The following SLC24A3 variants were observed in gnomAD, a reference collection of about 807,000 sequenced individuals.
SLC24A3 encodes sodium/potassium/calcium exchanger 3.
In SLC24A3, 28 loss-of-function variants were observed where a neutral mutation model predicts 75.8. That is an observed-to-expected ratio of 0.37 (90% CI 0.27 to 0.51). SLC24A3 has a LOEUF of 0.51. Ranked by LOEUF, SLC24A3 falls within the 20% of genes least tolerant of loss-of-function variation. SLC24A3 has a pLI of 0.94. For synonymous variants in SLC24A3, 372 were observed against 334.1 expected, an observed-to-expected ratio of 1.11 and a Z score of -1.24; for missense variants, 663 against 847.8, an observed-to-expected ratio of 0.78 and a Z score of 2.71.
chr20:19,278,753 C>A (rs940452171), intron 1 of SLC24A3, among the ~76,000 whole-genome samples: 5 of 152,152 alleles, frequency 3.3e-5, no homozygotes, highest in Non-Finnish European at 7.3e-5. Context: ...CATTAGACTC[C>A]ACATCCTTCC....
At chr20:19,493,120 G>A (rs1988231656) in intron 2 of SLC24A3, among the ~76,000 whole-genome samples, 1 of 152,216 alleles carries the variant, frequency 6.6e-6, no homozygotes, top group Non-Finnish European at 1.5e-5. Flanking sequence ...TTGCCATGGT[G>A]ACAGGAATCA....
rs113383939 is a variant in SLC24A3, at chr20:19,665,484, C to G, written c.688-380C>G. On this transcript the variant is annotated intron_variant, in intron 7 of 16. Transcript: ENST00000328041. ...TACAGAGACTAATATTTGGAAGAAC[C>G]TGCTGAGCTCCTACATCCCCTTGCA... 5.9e-3 allele frequency among the ~76,000 whole-genome samples: 902 copies of G among 152,318 alleles called. 1 individual carries two copies. The highest frequency in any genetic ancestry group is 0.027 in the Middle Eastern group (8 of 294).
intron 1 of SLC24A3, among the ~76,000 whole-genome samples, chr20:19,214,447 T>C (rs951253864): frequency 3.3e-5 from 5 of 152,206 alleles, no homozygotes; most frequent in African/African-American, 1.2e-4. Flanking sequence ...TTTATTTTTC[T>C]CCAGTGAAAA....
rs546760909 is a variant in SLC24A3 at position 19,486,125 on chromosome 20, A to G, written c.272-29363A>G. ...TTCACTCACCAGCATGCATGCCCCC[A>G]CCACATCCCTAGGCTTAGCAAGTCC... On this transcript the variant is annotated intron_variant, in intron 2 of 16. Transcript: ENST00000328041. Among the ~76,000 whole-genome samples the G allele has an allele frequency of 1.3e-3, 198 of 152,242 alleles. 1 individual carries two copies. Among genetic ancestry groups the G allele is most frequent in the Non-Finnish European group, 2.3e-3 (158 of 68,012 alleles).
intron 7 of SLC24A3, among the ~76,000 whole-genome samples, chr20:19,658,007 C>G (rs2032284279): frequency 6.6e-6 from 1 of 152,164 alleles, no homozygotes; most frequent in African/African-American, 2.4e-5. Context: ...ACCACTCTCC[C>G]TATTATACAG....
intron 2 of SLC24A3, among the ~76,000 whole-genome samples, chr20:19,380,922 G>A (rs970768091): frequency 6.6e-5 from 10 of 152,148 alleles, no homozygotes; most frequent in African/African-American, 2.2e-4. Context: ...ATGGAGCCTT[G>A]GGGAATGACT....
chr20:19,415,030 A>G (rs1250235975), intron 2 of SLC24A3, among the ~76,000 whole-genome samples: 2 of 152,188 alleles, frequency 1.3e-5, no homozygotes, highest in South Asian at 2.1e-4. Context: ...AACCACTTCA[A>G]ATTCTTTTTA....
chr20:19,436,355 C>T lies in SLC24A3; in HGVS notation c.272-79133C>T, dbSNP rs541714289. ...GATCTTGGCCTTATTTAGCATGACG[C>T]TCAGATTTATGTCTCTTGGACTTCA... On this transcript the variant is annotated intron_variant, in intron 2 of 16. Transcript: ENST00000328041. Among the ~76,000 whole-genome samples, 5 of 152,300 alleles carry T rather than the reference C, an allele frequency of 3.3e-5. No homozygotes were observed. In the South Asian group the frequency reaches 1.0e-3, roughly 32 times the overall value.
chr20:19,693,752 G>T (rs752100237), intron 13 of SLC24A3: 2 of 230,554 alleles, frequency 8.7e-6, no homozygotes, highest in African/African-American at 4.5e-5. Context: ...TGTACCAGAG[G>T]CTAGCTACCT....
At chr20:19,657,291 A>G (rs2032277082) in intron 7 of SLC24A3, among the ~76,000 whole-genome samples, 1 of 152,138 alleles carries the variant, frequency 6.6e-6, no homozygotes, top group South Asian at 2.1e-4. Context: ...GTGTTCCTCC[A>G]ACTTTAGTCT....
At chr20:19,320,555 C>T (rs1035223359) in intron 2 of SLC24A3, among the ~76,000 whole-genome samples, 1 of 152,008 alleles carries the variant, frequency 6.6e-6, no homozygotes, top group African/African-American at 2.4e-5. Flanking sequence ...TGGTCTCTCT[C>T]TCTCTGTTAT....
chr20:19,560,733 G>A (rs1193498566), intron 3 of SLC24A3, among the ~76,000 whole-genome samples: 1 of 152,154 alleles, frequency 6.6e-6, no homozygotes, highest in African/African-American at 2.4e-5. Context: ...GCTGATGTCA[G>A]TGGATTCAAA....
At chr20:19,539,876 T>C (rs1398763279) in intron 3 of SLC24A3, among the ~76,000 whole-genome samples, 8 of 152,202 alleles carry the variant, frequency 5.3e-5, no homozygotes, top group African/African-American at 1.9e-4. Flanking sequence ...AAACCTAGCA[T>C]GCCTGTGTGT....
At chr20:19,481,892 C>A (rs929374016) in intron 2 of SLC24A3, among the ~76,000 whole-genome samples, 1 of 152,018 alleles carries the variant, frequency 6.6e-6, no homozygotes, top group Admixed American at 6.6e-5. Context: ...CTAGTGGACA[C>A]CTCCTTCTGG....
intron 2 of SLC24A3, among the ~76,000 whole-genome samples, chr20:19,376,409 G>A (rs1986084322): frequency 6.6e-6 from 1 of 152,172 alleles, no homozygotes; most frequent in African/African-American, 2.4e-5. Context: ...AAGGATTAAT[G>A]GAAACTATTG....
intron 2 of SLC24A3, among the ~76,000 whole-genome samples, chr20:19,392,334 A>G (rs16980477): frequency 0.016 from 2,403 of 152,252 alleles, 68 homozygotes; most frequent in African/African-American, 0.055. Flanking sequence ...TCTGCCTCAA[A>G]TGCCTCAAAG....
intron 2 of SLC24A3, among the ~76,000 whole-genome samples, chr20:19,502,438 G>A (rs957812814): frequency 8.5e-5 from 13 of 152,124 alleles, no homozygotes; most frequent in East Asian, 1.9e-4. Flanking sequence ...AGAAGTGCAA[G>A]CCTCTAAAGT....
intron 3 of SLC24A3, among the ~76,000 whole-genome samples, chr20:19,563,590 G>A (rs530756766): frequency 7.4e-4 from 113 of 152,250 alleles, no homozygotes; most frequent in African/African-American, 2.6e-3. Context: ...TTGAAGAGGC[G>A]CCAGATTACG....
chr20:19,598,759 C>T (rs1480226928), intron 6 of SLC24A3, among the ~76,000 whole-genome samples: 1 of 152,098 alleles, frequency 6.6e-6, no homozygotes, highest in Non-Finnish European at 1.5e-5. Flanking sequence ...GGTCATTATA[C>T]AGTAAACTTT....
Sources: allele counts gnomAD v4.1 joint callset (sites outside exome capture counted in the v4.1 genomes callset), GRCh38; gene constraint gnomAD v4.1.1; transcripts MANE v1.5; gene names NCBI Gene and HGNC (gene_info 2026-07-23, HGNC 2026-07-21).